IQSEC2: variants seen among roughly 807,000 people sequenced by gnomAD.
The protein encoded by IQSEC2 is IQ motif and Sec7 domain ArfGEF 2, also known as IQ motif and SEC7 domain-containing protein 2.
Under a neutral mutation model 74.6 loss-of-function variants are expected in IQSEC2, and 6 were observed. That is an observed-to-expected ratio of 0.08 (90% CI 0.04 to 0.16). IQSEC2 has a LOEUF of 0.16. Among genes scored for constraint, IQSEC2 ranks in the 10% least tolerant of loss-of-function variants. The probability of loss-of-function intolerance (pLI) is 1.00; values close to 1 mark genes in which losing one functional copy is unlikely to be tolerated. For synonymous variants in IQSEC2, 494 were observed against 544.5 expected (o/e 0.91, Z 1.29); for missense variants, 734 against 1,306.2 (o/e 0.56, Z 6.75).
chrX:53,246,017 C>T (rs1175731632), intron 8 of IQSEC2, among the ~76,000 whole-genome samples: 2 of 110,559 alleles, frequency 1.8e-5, no homozygotes, highest in Admixed American at 1.9e-4. Context: ...TGTGCACCAC[C>T]ATGCCTGCTA....
intron 10 of IQSEC2, among the ~76,000 whole-genome samples, chrX:53,241,272 ATTTTTGTAT>A (rs2147046021): frequency 9.1e-6 from 1 of 109,654 alleles, no homozygotes; most frequent in Non-Finnish European, 1.9e-5. Context: ...TGCCCGGCTA[ATTTTTGTAT>A]TTTTTGTGGA....
In IQSEC2 at chrX:53,321,129, C is replaced by A. The variant is rs1262232030; in HGVS notation, c.-6G>T. On this transcript the variant is annotated 5_prime_UTR_variant, in exon 1 of 15. Coordinates refer to ENST00000642864, the MANE Select transcript of IQSEC2 (RefSeq NM_001111125.3). ...GGCCCCGACCCCGCCTCCATCCTGG[C>A]GGCCCAGGGGCAGGGGAACGGGCAG... 2.8e-6 allele frequency: 3 copies of A among 1,084,774 alleles called. No homozygotes were observed. Among genetic ancestry groups the A allele is most frequent in the East Asian group, 3.3e-5 (1 of 30,361 alleles). The allele number at this position is 1,084,774 out of a possible 1,213,427, so 89.4% of individuals were successfully genotyped here.
chrX:53,239,776 A>C (rs1482642193), intron 10 of IQSEC2, among the ~76,000 whole-genome samples: 1 of 111,388 alleles, frequency 9.0e-6, no homozygotes, highest in Non-Finnish European at 1.9e-5. Context: ...CCATGTAGAG[A>C]GTTAATAAGT....
At chrX:53,268,580 C>T (rs1031706103) in intron 2 of IQSEC2, among the ~76,000 whole-genome samples, 1 of 111,474 alleles carries the variant, frequency 9.0e-6, no homozygotes, top group Non-Finnish European at 1.9e-5. Flanking sequence ...CCCCTGCTTC[C>T]TCTCCCCCTA....
At chrX:53,290,608 T>C (rs1384343880) in intron 2 of IQSEC2, among the ~76,000 whole-genome samples, 1 of 111,826 alleles carries the variant, frequency 8.9e-6, no homozygotes, top group Non-Finnish European at 1.9e-5. Flanking sequence ...GGACTAATTA[T>C]GTCTTGTCAC....
intron 2 of IQSEC2, among the ~76,000 whole-genome samples, chrX:53,275,024 A>C (rs2074805534): frequency 8.9e-6 from 1 of 111,819 alleles, no homozygotes; most frequent in Non-Finnish European, 1.9e-5. Flanking sequence ...CTCCACACAG[A>C]AGTTTTAAAT....
Position 53,320,767 on chromosome X carries a change from C to G in IQSEC2, c.357G>C (p.Arg119=). ...QAARDVGYPN[R]EGAYQNREAV... Reference sequence around the variant, plus strand: ...CCTCCCGATTCTGGTAGGCGCCTTCCCGGTTCGGGTAGCCCACGTCCCGGG... The same window carrying G: ...CCTCCCGATTCTGGTAGGCGCCTTCGCGGTTCGGGTAGCCCACGTCCCGGG... Residue 119 remains arginine (R), a synonymous_variant, in exon 1 of 15, where the codon CGG becomes CGC. Transcript: ENST00000642864. 1 of 1,167,467 alleles carries G rather than the reference C, an allele frequency of 8.6e-7. No homozygotes were observed. Among genetic ancestry groups the G allele is most frequent in the Non-Finnish European group, 1.1e-6 (1 of 872,758 alleles).
At chrX:53,279,607 C>G in intron 2 of IQSEC2, 2 of 1,204,335 alleles carry the variant, frequency 1.7e-6, no homozygotes, top group Middle Eastern at 2.3e-4. Context: ...TTCATGGAGT[C>G]AAGGACCTGA....
Position 53,260,088 on chromosome X carries a change from A to T in IQSEC2, c.738-4027T>A, listed in dbSNP as rs782633906. On this transcript the variant is annotated intron_variant, in intron 2 of 14. Transcript: ENST00000642864. ...GCTTACAGAAGAAAGAAACAAGTAA[A>T]TATATCCTGCCATTTCAGGTAGGGG... is the stretch of plus-strand genomic sequence containing the variant. Among the ~76,000 whole-genome samples the T allele has an allele frequency of 1.2e-4, 14 of 112,043 alleles. No individual in the cohort carries two copies. The East Asian group carries it at 3.9e-3, about 31-fold the overall frequency.
chrX:53,291,397 A>G (rs1364758916), intron 2 of IQSEC2, among the ~76,000 whole-genome samples: 2 of 112,170 alleles, frequency 1.8e-5, no homozygotes, highest in Non-Finnish European at 3.8e-5. Flanking sequence ...TTTACCAAGC[A>G]CACACAAAAA....
chrX:53,271,764 C>T (rs974464222), intron 2 of IQSEC2, among the ~76,000 whole-genome samples: 4 of 111,391 alleles, frequency 3.6e-5, no homozygotes, highest in African/African-American at 6.5e-5. Context: ...GTTTCTAAAA[C>T]ACAAATTTTG....
At chrX:53,265,248 A>G (rs2074636957) in intron 2 of IQSEC2, among the ~76,000 whole-genome samples, 1 of 110,749 alleles carries the variant, frequency 9.0e-6, no homozygotes, top group Non-Finnish European at 1.9e-5. Flanking sequence ...GAGTGAGGCA[A>G]TAAGTGAGGG....
chrX:53,310,287 G>C (rs138533726), intron 1 of IQSEC2, among the ~76,000 whole-genome samples: 167 of 110,606 alleles, frequency 1.5e-3, no homozygotes, highest in African/African-American at 5.3e-3. Context: ...GGGAGGCTGA[G>C]GTAGGAGGAT....
chrX:53,267,997 C>A (rs1418023311), intron 2 of IQSEC2, among the ~76,000 whole-genome samples: 1 of 112,010 alleles, frequency 8.9e-6, no homozygotes, highest in Non-Finnish European at 1.9e-5. Context: ...AGAGTCGCTG[C>A]AGGAACAAGC....
chrX:53,278,003 C>CTTTTTTTTTTTTTTTTTT (rs36027805), intron 2 of IQSEC2, among the ~76,000 whole-genome samples: 1 of 37,573 alleles, frequency 2.7e-5, no homozygotes, highest in African/African-American at 1.2e-4. Context: ...TTTTCTTTTT[C>CTTTTTTTTTTTTTTTTTT]TTTTTTTTTT....
intron 2 of IQSEC2, among the ~76,000 whole-genome samples, chrX:53,285,191 C>T (rs1205384968): frequency 1.8e-5 from 2 of 111,842 alleles, no homozygotes; most frequent in African/African-American, 6.5e-5. Flanking sequence ...GAGAAGCCTC[C>T]CTGGCCCTCA....
Position 53,248,897 on chromosome X carries a change from G to C in IQSEC2, c.2298-15C>G. On this transcript the variant is annotated splice_polypyrimidine_tract_variant and intron_variant, in intron 5 of 14. Coordinates refer to ENST00000642864, the MANE Select transcript of IQSEC2 (RefSeq NM_001111125.3). ...TCTCTGGCTTCCTGCAGAAAGAGGA[G>C]AGGTAGATGAGATGACTGTCCTCCT... 8.3e-7 allele frequency: 1 copy of C among 1,200,502 alleles called. No homozygotes were observed. The highest frequency in any genetic ancestry group is 1.1e-6 in the Non-Finnish European group (1 of 888,487).
At chrX:53,278,321 T>C (rs1234304931) in intron 2 of IQSEC2, among the ~76,000 whole-genome samples, 3 of 111,431 alleles carry the variant, frequency 2.7e-5, no homozygotes, top group African/African-American at 9.8e-5. Flanking sequence ...CAATATTTTC[T>C]TATAATAACT....
intron 2 of IQSEC2, among the ~76,000 whole-genome samples, chrX:53,280,566 G>A (rs1056679461): frequency 9.1e-6 from 1 of 110,241 alleles, no homozygotes. Flanking sequence ...GCAGAGGATG[G>A]GGTGGTTCCA....
Sources: allele counts gnomAD v4.1 joint callset (sites outside exome capture counted in the v4.1 genomes callset), GRCh38; gene constraint gnomAD v4.1.1; transcripts MANE v1.5; gene names NCBI Gene and HGNC (gene_info 2026-07-23, HGNC 2026-07-21).